The following EXOC4 variants were observed in gnomAD, a reference collection of about 807,000 sequenced individuals.
EXOC4 encodes exocyst complex component 4, also known as SEC8-like 1.
Under a neutral mutation model 107.2 loss-of-function variants are expected in EXOC4, and 71 were observed. The ratio of observed to expected loss-of-function variants is 0.66; its 90% CI spans 0.55 to 0.81. EXOC4 has a LOEUF of 0.81. EXOC4 is among the 30% of genes least tolerant of loss of function. EXOC4 has a pLI of 0.00. For missense variants in EXOC4, 1,108 were observed against 1,189.6 expected, an observed-to-expected ratio of 0.93 and a Z score of 1.01; for synonymous variants, 456 against 441.2, an observed-to-expected ratio of 1.03 and a Z score of -0.42.
At chr7:133,868,248 T>C (rs1282600678) in intron 11 of EXOC4, among the ~76,000 whole-genome samples, 1 of 152,140 alleles carries the variant, frequency 6.6e-6, no homozygotes, top group Admixed American at 6.5e-5. Flanking sequence ...TATGTTTAGG[T>C]CTTTTGTCTT....
intron 12 of EXOC4, among the ~76,000 whole-genome samples, chr7:133,897,258 AAAC>A (rs1799340905): frequency 6.6e-6 from 1 of 152,096 alleles, no homozygotes; most frequent in Admixed American, 6.6e-5. Flanking sequence ...TGGACAAATT[AAAC>A]AACAACCATC....
At chr7:133,963,038 T>C (rs896027859) in intron 14 of EXOC4, among the ~76,000 whole-genome samples, 1 of 152,258 alleles carries the variant, frequency 6.6e-6, no homozygotes, top group Non-Finnish European at 1.5e-5. Context: ...GGCTTTGAGA[T>C]ACAGGGTGGC....
At chr7:133,693,946 C>A (rs1198836694) in intron 10 of EXOC4, among the ~76,000 whole-genome samples, 3 of 151,936 alleles carry the variant, frequency 2.0e-5, no homozygotes, top group African/African-American at 7.3e-5. Context: ...CACAGAGTAA[C>A]CCCTGGATGA....
chr7:133,814,743 A>G (rs758669793), intron 10 of EXOC4, among the ~76,000 whole-genome samples: 9 of 152,182 alleles, frequency 5.9e-5, no homozygotes, highest in Admixed American at 3.9e-4. Flanking sequence ...TTGGTATCTT[A>G]GTATAGTTTA....
At chr7:133,964,136 G>T (rs1161769675) in intron 14 of EXOC4, among the ~76,000 whole-genome samples, 1 of 152,052 alleles carries the variant, frequency 6.6e-6, no homozygotes, top group Non-Finnish European at 1.5e-5. Flanking sequence ...AGAAAAATAG[G>T]CAGTGTGTAA....
chr7:133,483,315 G>T (rs1021806137), intron 9 of EXOC4, among the ~76,000 whole-genome samples: 4 of 152,182 alleles, frequency 2.6e-5, no homozygotes, highest in African/African-American at 7.2e-5. Flanking sequence ...AGGCAAAGTA[G>T]AGGGTATACA....
At chr7:133,676,664 C>A (rs923344563) in intron 10 of EXOC4, among the ~76,000 whole-genome samples, 4 of 152,004 alleles carry the variant, frequency 2.6e-5, no homozygotes, top group African/African-American at 9.7e-5. Context: ...CAGCTACCAC[C>A]CTATCCTTTT....
chr7:133,528,926 T>C (rs1322958345), intron 9 of EXOC4, among the ~76,000 whole-genome samples: 1 of 152,182 alleles, frequency 6.6e-6, no homozygotes, highest in Non-Finnish European at 1.5e-5. Context: ...CTAGGGACCC[T>C]GGAGTTTTGT....
At chr7:133,569,943 T>C in intron 9 of EXOC4, among the ~76,000 whole-genome samples, 1 of 152,206 alleles carries the variant, frequency 6.6e-6, no homozygotes, top group Admixed American at 6.5e-5. Flanking sequence ...CATACTTGTC[T>C]TTCTGTTCGC....
chr7:133,611,588 C>T (rs1371264604), intron 9 of EXOC4, among the ~76,000 whole-genome samples: 1 of 152,126 alleles, frequency 6.6e-6, no homozygotes, highest in African/African-American at 2.4e-5. Context: ...TCTCCTTCAT[C>T]CCTAGTCTTC....
intron 10 of EXOC4, among the ~76,000 whole-genome samples, chr7:133,787,575 G>C (rs1188423536): frequency 1.3e-5 from 2 of 151,788 alleles, no homozygotes; most frequent in African/African-American, 4.8e-5. Context: ...ACAACAGACA[G>C]TTCTGGAGGC....
intron 5 of EXOC4, among the ~76,000 whole-genome samples, chr7:133,322,050 A>G (rs1350825722): frequency 6.6e-6 from 1 of 152,050 alleles, no homozygotes; most frequent in African/African-American, 2.4e-5. Context: ...TCCTTCACCC[A>G]CTTTTTGATG....
At chr7:133,292,398 A>G (rs2150550815) in intron 3 of EXOC4, among the ~76,000 whole-genome samples, 1 of 152,310 alleles carries the variant, frequency 6.6e-6, no homozygotes, top group East Asian at 1.9e-4. Flanking sequence ...CAATATATAT[A>G]GTCCTTAGAG....
intron 9 of EXOC4, among the ~76,000 whole-genome samples, chr7:133,513,644 T>A (rs1436844581): frequency 2.0e-5 from 3 of 152,224 alleles, no homozygotes; most frequent in Non-Finnish European, 1.5e-5. Flanking sequence ...TCAGGCATTT[T>A]CTTCCTGCTC....
chr7:133,857,272 T>C lies in EXOC4; in HGVS notation c.1735-38327T>C, dbSNP rs1414357030. Among the ~76,000 whole-genome samples, 29 of 28,420 alleles carry C rather than the reference T, an allele frequency of 1.0e-3. 3 individuals carry two copies. The highest frequency in any genetic ancestry group is 6.1e-3 in the East Asian group (5 of 822). 18.6% of individuals were successfully genotyped at this position (28,420 alleles called of 152,430 possible). A position where few individuals can be genotyped will look rare whatever the true frequency, so the allele number is the denominator to read the frequency against. On this transcript the variant is annotated intron_variant, in intron 11 of 17. Transcript: ENST00000253861. ...ATATATATATATATATATATATATA[T>C]ACACGTATATATATATATATATATA...
chr7:133,963,555 C>A (rs186979859), intron 14 of EXOC4, among the ~76,000 whole-genome samples: 22 of 152,128 alleles, frequency 1.4e-4, no homozygotes, highest in Non-Finnish European at 2.4e-4. Context: ...GGCCTCAGAA[C>A]CCCATGAAAT....
At chr7:134,088,614 G>A in the EXOC4 span, among the ~76,000 whole-genome samples, 1 of 152,266 alleles carries the variant, frequency 6.6e-6, no homozygotes, top group South Asian at 2.1e-4. Flanking sequence ...TCTGAAAGTT[G>A]TTTCGTCTAT....
chr7:133,960,963 C>T (rs1301741846), intron 14 of EXOC4, among the ~76,000 whole-genome samples: 2 of 152,142 alleles, frequency 1.3e-5, no homozygotes, highest in African/African-American at 2.4e-5. Flanking sequence ...GGCTCCCCAA[C>T]GATGTCCACG....
chr7:134,017,774 G>A (rs557677005), intron 17 of EXOC4, among the ~76,000 whole-genome samples: 3 of 152,154 alleles, frequency 2.0e-5, no homozygotes, highest in African/African-American at 7.2e-5. Flanking sequence ...AGTAACTGAC[G>A]TTTGATTCCC....
Sources: allele counts gnomAD v4.1 joint callset (sites outside exome capture counted in the v4.1 genomes callset), GRCh38; gene constraint gnomAD v4.1.1; transcripts MANE v1.5; gene names NCBI Gene and HGNC (gene_info 2026-07-23, HGNC 2026-07-21).